The following HAUS6 variants were observed in gnomAD, a reference collection of about 807,000 sequenced individuals.
HAUS6 encodes the protein HAUS augmin-like complex subunit 6.
In HAUS6, 80 loss-of-function variants were observed where a neutral mutation model predicts 106.8. That is an observed-to-expected ratio of 0.75 (90% CI 0.63 to 0.90). HAUS6 has a LOEUF of 0.90. HAUS6 is among the 40% of genes least tolerant of loss of function. HAUS6 has a pLI of 0.00. For missense variants in HAUS6, 1,155 were observed against 1,118.1 expected (o/e 1.03, Z -0.47); for synonymous variants, 356 against 379.1 (o/e 0.94, Z 0.71).
Position 19,089,427 on chromosome 9 carries a change from T to A in HAUS6, c.569A>T (p.Tyr190Phe). ...TACTACTTACTGTGCATTTTCCTGA[T>A]ATTTTTGGGTAACACAATCTTGTCT... ...LQRQDCVTQK[Y>F]QENAQLSVKQ... The change falls in exon 5 of 17, where the codon TAT becomes TTT. Residue 190 changes from tyrosine (Y) to phenylalanine (F), a missense_variant. This residue lies in a region of HAUS6 where 761 missense variants were observed against 690.0 expected (regional missense o/e 1.10). Transcript: ENST00000380502. The A allele has an allele frequency of 6.2e-7, 1 of 1,608,802 alleles. No individual in the cohort carries two copies. The highest frequency in any genetic ancestry group is 8.5e-7 in the Non-Finnish European group (1 of 1,175,198).
chr9:19,062,038 T>C (rs2131101319), intron 14 of HAUS6, among the ~76,000 whole-genome samples: 1 of 152,338 alleles, frequency 6.6e-6, no homozygotes, highest in South Asian at 2.1e-4. Flanking sequence ...CTAAAGCATG[T>C]TGTGGAAAAC....
At chr9:19,090,747 T>C (rs1817727903) in intron 4 of HAUS6, among the ~76,000 whole-genome samples, 1 of 152,212 alleles carries the variant, frequency 6.6e-6, no homozygotes, top group South Asian at 2.1e-4. Flanking sequence ...TCAGTTTACT[T>C]TTCCTCCTAG....
intron 4 of HAUS6, 153 bp from the exon 5 acceptor site, chr9:19,089,712 G>A (rs1588623143): frequency 1.9e-6 from 1 of 523,772 alleles, no homozygotes; most frequent in African/African-American, 2.0e-5. Context: ...AGACTTACAA[G>A]CTAATAAATA....
intron 5 of HAUS6, among the ~76,000 whole-genome samples, chr9:19,088,377 C>T (rs150216429): frequency 6.7e-6 from 1 of 149,858 alleles, no homozygotes; most frequent in Non-Finnish European, 1.5e-5. Flanking sequence ...GATTGTGACA[C>T]TGCGCTCCAG....
intron 4 of HAUS6, among the ~76,000 whole-genome samples, chr9:19,092,779 G>C (rs1398576745): frequency 6.6e-6 from 1 of 151,506 alleles, no homozygotes; most frequent in African/African-American, 2.4e-5. Flanking sequence ...CAAAAAATTA[G>C]CCAGTCATGG....
chr9:19,081,196 T>C (rs528219487), intron 8 of HAUS6, among the ~76,000 whole-genome samples: 8 of 152,294 alleles, frequency 5.3e-5, no homozygotes, highest in African/African-American at 1.7e-4. Flanking sequence ...GCTACATTTT[T>C]TGCTACATTT....
chr9:19,092,235 C>T (rs1040212921), intron 4 of HAUS6, among the ~76,000 whole-genome samples: 2 of 151,658 alleles, frequency 1.3e-5, no homozygotes, highest in Non-Finnish European at 2.9e-5. Context: ...GGCAGGAAGA[C>T]TGCCTGAGCA....
At position 19,079,550 on chromosome 9, in the gene HAUS6, T is replaced by C. The variant is rs189995569; in HGVS notation, c.1064+929A>G. ...CCAGCTACTCCATTTATTTTTAAGA[T>C]AGAAGTTTTTCCTTGCTCTAAACTT... On this transcript the variant is annotated intron_variant, in intron 9 of 16. Transcript: ENST00000380502. Among the ~76,000 whole-genome samples the C allele has an allele frequency of 3.2e-4, 49 of 152,210 alleles. 1 individual carries two copies. The highest frequency in any genetic ancestry group is 2.9e-3 in the Admixed American group (44 of 15,278).
At chr9:19,078,126 A>AG in intron 10 of HAUS6, 50 bp downstream of exon 10, 1 of 1,521,146 alleles carries the variant, frequency 6.6e-7, no homozygotes. Flanking sequence ...CTCAAAAAAA[A>AG]AAAAAAAGGT....
chr9:19,089,024 CG>C (rs1817690118), intron 5 of HAUS6, among the ~76,000 whole-genome samples: 1 of 152,134 alleles, frequency 6.6e-6, no homozygotes, highest in South Asian at 2.1e-4. Context: ...GGGCAGAATA[CG>C]TGAGCTCAGA....
chr9:19,089,311 C>A, intron 5 of HAUS6, 101 bp downstream of exon 5: 3 of 731,818 alleles, frequency 4.1e-6, no homozygotes, highest in Non-Finnish European at 2.3e-6. Context: ...AGATAACCGC[C>A]AAGGTTTTCA....
At position 19,058,593 on chromosome 9, in the gene HAUS6, A is replaced by G; in HGVS notation, c.2174T>C (p.Met725Thr). ...SPAVGNRIDV[M>T]GGSEEEFMKI... ...CATAAACTCCTCTTCACTGCCACCC[A>G]TCACATCTATCCTATTGCCGACAGC... is the stretch of plus-strand genomic sequence containing the variant. The change falls in exon 16 of 17, where the codon ATG becomes ACG. Residue 725 changes from methionine (M) to threonine (T), a missense_variant. Met to Thr is a moderately conservative substitution (Grantham distance 81). Around this residue, in one of 3 missense-constraint regions of HAUS6, gnomAD observed 380 missense variants for 394.8 expected, o/e 0.96. Transcript: ENST00000380502. 3.7e-6 allele frequency: 6 copies of G among 1,604,012 alleles called. No homozygotes were observed. In the South Asian group the frequency reaches 6.6e-5, roughly 18 times the overall value.
intron 9 of HAUS6, among the ~76,000 whole-genome samples, chr9:19,079,235 T>A (rs1837081541): frequency 6.6e-6 from 1 of 150,612 alleles, no homozygotes; most frequent in African/African-American, 2.4e-5. Context: ...TTTTTCTTTT[T>A]TTTTTTTTAT....
intron 10 of HAUS6, among the ~76,000 whole-genome samples, chr9:19,077,714 G>A (rs930784623): frequency 2.0e-5 from 3 of 151,962 alleles, no homozygotes; most frequent in African/African-American, 7.3e-5. Context: ...ACATTTCTAG[G>A]TCATTTGTAA....
Position 19,092,378 on chromosome 9 carries a change from G to C in HAUS6, c.436+793C>G, listed in dbSNP as rs370276966. On this transcript the variant is annotated intron_variant, in intron 4 of 16. Transcript: ENST00000380502. Reference sequence around the variant, plus strand: ...TTGGTGTAATCCTAACACTTTGGGAGGCCGAGGCAGGCGGATCACCTGAGG... The same window carrying C: ...TTGGTGTAATCCTAACACTTTGGGACGCCGAGGCAGGCGGATCACCTGAGG... Among the ~76,000 whole-genome samples, 5 of 151,962 alleles carry C rather than the reference G, an allele frequency of 3.3e-5. No homozygotes were observed. The East Asian group carries it at 9.7e-4, about 29-fold the overall frequency.
intron 1 of HAUS6, among the ~76,000 whole-genome samples, chr9:19,098,137 G>A (rs988402401): frequency 2.6e-5 from 4 of 152,006 alleles, no homozygotes; most frequent in Non-Finnish European, 4.4e-5. Flanking sequence ...TTGTTCCATC[G>A]CTAGACTAAA....
chr9:19,063,377 T>A, intron 13 of HAUS6, 137 bp downstream of exon 13: 1 of 610,246 alleles, frequency 1.6e-6, no homozygotes. Context: ...GGAATATAAG[T>A]AGATATGGTA....
At position 19,058,316 on chromosome 9, in the gene HAUS6, C is replaced by T. The variant is rs1554687530; in HGVS notation, c.2451G>A (p.Val817=). 3.1e-6 allele frequency: 5 copies of T among 1,613,728 alleles called. No homozygotes were observed. The Admixed American group carries it at 5.0e-5, about 16-fold the overall frequency. The change falls in exon 16 of 17, where the codon GTG becomes GTA. Residue 817 remains valine, a synonymous_variant. Transcript: ENST00000380502. ...ATTCTGGAGTAGTCTGTCTCCCTCC[C>T]ACAACATCTTCTAGAAGAGTGCCAC... ...MHGGTLLEDV[V]GGRQTTPESD... is the part of the protein sequence containing the mutation.
At chr9:19,086,235 C>G (rs1039915677) in intron 7 of HAUS6, among the ~76,000 whole-genome samples, 1 of 151,682 alleles carries the variant, frequency 6.6e-6, no homozygotes, top group Admixed American at 6.6e-5. Context: ...TGCTTGAACC[C>G]AGGAGGTGGA....
Sources: gnomAD v4.1 joint callset for allele counts (sites outside exome capture counted in the v4.1 genomes callset) on GRCh38, gnomAD v4.1.1 for gene constraint, gnomAD v4.1.1 regional missense constraint, MANE v1.5 for transcripts, NCBI Gene and HGNC (gene_info 2026-07-23, HGNC 2026-07-21) for gene names.